The following ATAD2 variants were observed in gnomAD, a reference collection of about 807,000 sequenced individuals.
ATAD2 encodes ATPase family AAA domain-containing protein 2.
Under a neutral mutation model 168.9 loss-of-function variants are expected in ATAD2, and 62 were observed. That is an observed-to-expected ratio of 0.37 (90% CI 0.30 to 0.45). ATAD2 has a LOEUF of 0.45. ATAD2 is among the 20% of genes least tolerant of loss of function. The probability of loss-of-function intolerance (pLI) is 1.00; values close to 1 mark genes in which losing one functional copy is unlikely to be tolerated. For missense variants in ATAD2, 1,419 were observed against 1,667.8 expected, an observed-to-expected ratio of 0.85 and a Z score of 2.60; for synonymous variants, 613 against 571.6, an observed-to-expected ratio of 1.07 and a Z score of -1.03.
intron 9 of ATAD2, among the ~76,000 whole-genome samples, chr8:123,361,146 A>T (rs1828806196): frequency 6.6e-6 from 1 of 151,622 alleles, no homozygotes; most frequent in African/African-American, 2.4e-5. Flanking sequence ...GCGAAACCTC[A>T]TCTCTATTAA....
chr8:123,337,863 C>CAT, intron 20 of ATAD2, 42 bp from the exon 21 acceptor site: 1 of 1,506,702 alleles, frequency 6.6e-7, no homozygotes. Context: ...TCCTCCATAA[C>CAT]ATTGAGGTTG....
chr8:123,371,296 C>T lies in ATAD2; in HGVS notation c.579G>A (p.Lys193=). ...GTTCTCTCATTCGCTGTCTACGCAT[C>T]TTCTTCATGTCATCCATTTTTTGAA... ...AVLQKMDDMK[K]MRRQRMRELE... The change falls in exon 5 of 28, where the codon AAG becomes AAA. Residue 193 remains lysine, a synonymous_variant. Coordinates refer to ENST00000287394, the MANE Select transcript of ATAD2 (RefSeq NM_014109.4). 1 of 1,609,460 alleles carries T rather than the reference C, an allele frequency of 6.2e-7. No homozygotes were observed. Among genetic ancestry groups the T allele is most frequent in the Non-Finnish European group, 8.5e-7 (1 of 1,178,248 alleles).
At chr8:123,356,707 G>A (rs1368455296) in intron 12 of ATAD2, among the ~76,000 whole-genome samples, 1 of 151,060 alleles carries the variant, frequency 6.6e-6, no homozygotes, top group African/African-American at 2.4e-5. Flanking sequence ...GAGTGCAGTG[G>A]CGTGATCTTG....
At chr8:123,396,470 C>A, upstream of ATAD2, 1 of 1,197,302 alleles carries the variant, frequency 8.4e-7, no homozygotes, top group Non-Finnish European at 1.1e-6. Flanking sequence ...TCCGCGCCAG[C>A]GGCCGCAGCG....
Position 123,336,477 on chromosome 8 carries a change from C to T in ATAD2, c.3107G>A (p.Ser1036Asn). 6.5e-7 allele frequency: 1 copy of T among 1,531,422 alleles called. No homozygotes were observed. The highest frequency in any genetic ancestry group is 1.3e-5 in the South Asian group (1 of 78,572). 94.9% of individuals were successfully genotyped at this position (1,531,422 alleles called of 1,614,324 possible). A position where few individuals can be genotyped will look rare whatever the true frequency, so the allele number is the denominator to read the frequency against. The change falls in exon 22 of 28, where the codon AGT (serine) becomes AAT (asparagine). Residue 1036 changes from serine (S) to asparagine (N), a missense_variant. By Grantham distance (46) the Ser-to-Asn change is conservative. Around this residue, in one of 5 missense-constraint regions of ATAD2, gnomAD observed 545 missense variants for 724.9 expected, o/e 0.75. Transcript: ENST00000287394. ...CAGATACTTGTGTAGATCAATTTTACTGATTACAGATGAAAGGTCCATTGG... is the reference window on the plus strand; with the variant it reads ...CAGATACTTGTGTAGATCAATTTTATTGATTACAGATGAAAGGTCCATTGG... ...KQPMDLSSVI[S>N]KIDLHKYLTV...
intron 2 of ATAD2, among the ~76,000 whole-genome samples, chr8:123,376,623 T>C (rs1250946479): frequency 6.6e-6 from 1 of 152,130 alleles, no homozygotes; most frequent in Non-Finnish European, 1.5e-5. Flanking sequence ...GTGAATTGTA[T>C]GGTGTATAAA....
intron 20 of ATAD2, among the ~76,000 whole-genome samples, chr8:123,338,711 T>A (rs904999194): frequency 1.3e-5 from 2 of 152,120 alleles, no homozygotes; most frequent in South Asian, 2.1e-4. Context: ...AAAGGCTTCA[T>A]AATAAAGAAT....
intron 1 of ATAD2, among the ~76,000 whole-genome samples, chr8:123,413,253 C>T (rs1323919355): frequency 7.1e-6 from 1 of 141,762 alleles, no homozygotes; most frequent in South Asian, 2.5e-4. Flanking sequence ...CTCCCTGCTT[C>T]CTCATTCTTC....
At chr8:123,391,865 T>C (rs1168042233) in intron 1 of ATAD2, among the ~76,000 whole-genome samples, 1 of 152,210 alleles carries the variant, frequency 6.6e-6, no homozygotes, top group African/African-American at 2.4e-5. Flanking sequence ...CCCATGCTCA[T>C]TATGTAACAC....
At chr8:123,351,206 CCAT>C (rs1828446692) in intron 13 of ATAD2, among the ~76,000 whole-genome samples, 1 of 152,138 alleles carries the variant, frequency 6.6e-6, no homozygotes, top group Admixed American at 6.5e-5. Flanking sequence ...CTTGTTCCAC[CCAT>C]CATAAATATC....
intron 13 of ATAD2, chr8:123,352,180 GC>G (rs998109978): frequency 6.5e-6 from 1 of 152,966 alleles, no homozygotes; most frequent in African/African-American, 2.4e-5. Flanking sequence ...TCCTTGCTCT[GC>G]CATGCCCTGC....
At position 123,347,215 on chromosome 8, in the gene ATAD2, G is replaced by A. The variant is rs1362791676; in HGVS notation, c.2089C>T (p.Pro697Ser). 6.2e-7 allele frequency: 1 copy of A among 1,614,130 alleles called. No individual in the cohort carries two copies. Among genetic ancestry groups the A allele is most frequent in the African/African-American group, 1.3e-5 (1 of 75,032 alleles). ...ACAACGGTGGACAGTGCCTGCCCAG[G>A]TGATGTCACAGCTCTTTGGGAGGCT... ...IPASQRAVTSPGQALSTVVKP... is the reference protein window; with the variant it reads ...IPASQRAVTSSGQALSTVVKP... The change falls in exon 16 of 28, where the codon CCT (proline) becomes TCT (serine). Residue 697 changes from proline (P) to serine (S), a missense_variant. Pro to Ser is a moderately conservative substitution (Grantham distance 74, BLOSUM62 -1). This residue lies in a region of ATAD2 where 545 missense variants were observed against 724.9 expected (regional missense o/e 0.75). Transcript: ENST00000287394.
chr8:123,385,837 G>C (rs891393327), intron 1 of ATAD2, among the ~76,000 whole-genome samples: 1 of 151,436 alleles, frequency 6.6e-6, no homozygotes, highest in African/African-American at 2.4e-5. Flanking sequence ...AATATTTAAA[G>C]AACTCCTTTG....
intron 2 of ATAD2, 121 bp from the exon 3 acceptor site, chr8:123,372,807 A>G: frequency 1.4e-6 from 1 of 722,120 alleles, no homozygotes; most frequent in Non-Finnish European, 2.1e-6. Flanking sequence ...GACTCACTAC[A>G]GCCTCAAACT....
intron 18 of ATAD2, 92 bp from the exon 19 acceptor site, chr8:123,345,161 A>G: frequency 1.7e-6 from 2 of 1,210,454 alleles, no homozygotes; most frequent in Admixed American, 2.5e-5. Context: ...ACCTCCCAGG[A>G]GTAACATATA....
At chr8:123,390,079 A>T (rs1829784450) in intron 1 of ATAD2, among the ~76,000 whole-genome samples, 1 of 149,860 alleles carries the variant, frequency 6.7e-6, no homozygotes, top group Non-Finnish European at 1.5e-5. Context: ...CCAGGGTTCA[A>T]GCAATTCTCC....
chr8:123,380,641 G>A lies in ATAD2; in HGVS notation c.208C>T (p.Arg70Trp), dbSNP rs763493864. 17 of 1,613,736 alleles carry A rather than the reference G, an allele frequency of 1.1e-5. No individual in the cohort carries two copies. The East Asian group carries it at 1.6e-4, about 15-fold the overall frequency. The change falls in exon 2 of 28, where the codon CGG becomes TGG. Residue 70 changes from arginine (R) to tryptophan (W), a missense_variant. Coordinates refer to ENST00000287394, the MANE Select transcript of ATAD2 (RefSeq NM_014109.4). ...SSVKEVETYH[R>W]TRALRSLRKD... is the part of the protein sequence containing the mutation. ...CTCAAAGATCTTAAAGCACGTGTCCGGTGGTAGGTTTCAACTTCCTTAACT... is the reference window on the plus strand; with the variant it reads ...CTCAAAGATCTTAAAGCACGTGTCCAGTGGTAGGTTTCAACTTCCTTAACT...
chr8:123,321,725 C>T (rs954404069), intron 27 of ATAD2, among the ~76,000 whole-genome samples: 11 of 151,746 alleles, frequency 7.2e-5, no homozygotes, highest in Admixed American at 5.3e-4. Flanking sequence ...CTTGAAGCTA[C>T]GAATTTGGGA....
intron 1 of ATAD2, among the ~76,000 whole-genome samples, chr8:123,390,635 T>C (rs907059997): frequency 1.3e-5 from 2 of 152,246 alleles, no homozygotes; most frequent in African/African-American, 4.8e-5. Context: ...TGAGTATCTT[T>C]CCAGACTTTC....
Sources: gnomAD v4.1 joint callset for allele counts (sites outside exome capture counted in the v4.1 genomes callset) on GRCh38, gnomAD v4.1.1 for gene constraint, gnomAD v4.1.1 regional missense constraint, MANE v1.5 for transcripts, NCBI Gene and HGNC (gene_info 2026-07-23, HGNC 2026-07-21) for gene names.